The following NELL2 variants were observed in gnomAD, a reference collection of about 807,000 sequenced individuals.
NELL2 encodes the protein neural EGFL like 2, also known as protein kinase C-binding protein NELL2.
In NELL2, 41 loss-of-function variants were observed where a neutral mutation model predicts 109.6. The ratio of observed to expected loss-of-function variants is 0.37; its 90% CI spans 0.29 to 0.49. The LOEUF is 0.49. Among genes scored for constraint, NELL2 ranks in the 20% least tolerant of loss-of-function variants. The pLI is 0.98. For synonymous variants in NELL2, 355 were observed against 344.7 expected (o/e 1.03, Z -0.33); for missense variants, 900 against 1,008.3 (o/e 0.89, Z 1.45).
chr12:44,858,419 C>A (rs1944743567), intron 2 of NELL2, among the ~76,000 whole-genome samples: 1 of 152,190 alleles, frequency 6.6e-6, no homozygotes, highest in Non-Finnish European at 1.5e-5. Flanking sequence ...GGGTTACTCA[C>A]CCTTTCCCAA....
chr12:44,798,946 C>CTTTTTTTTTTTT (rs1157006162), intron 3 of NELL2, among the ~76,000 whole-genome samples: 1 of 77,434 alleles, frequency 1.3e-5, no homozygotes, highest in Non-Finnish European at 2.3e-5. Flanking sequence ...ATGATTTCCA[C>CTTTTTTTTTTTT]TTTTTTTTTT....
At chr12:44,657,100 T>C (rs7971322) in intron 13 of NELL2, among the ~76,000 whole-genome samples, 24,538 of 152,098 alleles carry the variant, frequency 0.16, 2,028 homozygotes, top group East Asian at 0.21. Flanking sequence ...CAGCAAATTC[T>C]TTTCTGTAAC....
chr12:44,582,579 G>A lies in NELL2; in HGVS notation c.1663+24590C>T, dbSNP rs532152023. Among the ~76,000 whole-genome samples the A allele has an allele frequency of 1.8e-4, 27 of 152,100 alleles. No individual in the cohort carries two copies. The South Asian group carries it at 3.9e-3, about 22-fold the overall frequency. On this transcript the variant is annotated intron_variant, in intron 15 of 19. Transcript: ENST00000429094. The stretch of plus-strand genomic sequence containing the variant: ...GATACTATGGCATATGAGATGAAAC[G>A]TCAGGAAGTGGTGGCCGAAAGGTAG...
chr12:44,669,948 T>C (rs1948080722), intron 12 of NELL2, among the ~76,000 whole-genome samples: 1 of 152,174 alleles, frequency 6.6e-6, no homozygotes, highest in South Asian at 2.1e-4. Flanking sequence ...TCAAGGCACG[T>C]TATAGTAAAA....
intron 2 of NELL2, among the ~76,000 whole-genome samples, chr12:44,864,684 A>T (rs1944938504): frequency 6.6e-6 from 1 of 152,232 alleles, no homozygotes; most frequent in Non-Finnish European, 1.5e-5. Context: ...CAATAAGGAA[A>T]CATTTAATTT....
At chr12:44,596,130 CA>C (rs1351878754) in intron 15 of NELL2, among the ~76,000 whole-genome samples, 1 of 152,180 alleles carries the variant, frequency 6.6e-6, no homozygotes, top group African/African-American at 2.4e-5. Flanking sequence ...TGCATTTTGA[CA>C]GTCAGAGGTA....
intron 3 of NELL2, among the ~76,000 whole-genome samples, chr12:44,811,750 A>C (rs561757118): frequency 6.6e-6 from 1 of 152,238 alleles, no homozygotes; most frequent in African/African-American, 2.4e-5. Context: ...TGGAGTCAGG[A>C]ACAGACATAA....
chr12:44,660,824 CA>C (rs1371414184), intron 13 of NELL2, among the ~76,000 whole-genome samples: 2 of 152,076 alleles, frequency 1.3e-5, no homozygotes, highest in African/African-American at 2.4e-5. Flanking sequence ...GATCTTTACT[CA>C]AAATTCTTGA....
rs74081508 is a variant in NELL2 at position 44,621,320 on chromosome 12, A to T, written c.1445-10350T>A. 6.0e-3 allele frequency among the ~76,000 whole-genome samples: 914 copies of T among 152,206 alleles called. 12 individuals carry two copies. The highest frequency in any genetic ancestry group is 0.021 in the African/African-American group (867 of 41,532). On this transcript the variant is annotated intron_variant, in intron 13 of 19. Coordinates refer to ENST00000429094, the MANE Select transcript of NELL2 (RefSeq NM_001145108.2). ...AACCTGTGTTTCATTTTGTTATAACATTTGAAAGCCAGAATGTGAAGTGGT... is the reference window on the plus strand; with the variant it reads ...AACCTGTGTTTCATTTTGTTATAACTTTTGAAAGCCAGAATGTGAAGTGGT...
chr12:44,910,550 G>A (rs1485140870), intron 1 of NELL2, among the ~76,000 whole-genome samples: 1 of 151,930 alleles, frequency 6.6e-6, no homozygotes, highest in African/African-American at 2.4e-5. Context: ...ACAGTTTGGA[G>A]ATTTCCCAAA....
chr12:44,765,749 T>C (rs368976936), intron 9 of NELL2, among the ~76,000 whole-genome samples: 10 of 152,222 alleles, frequency 6.6e-5, no homozygotes, highest in Admixed American at 4.6e-4. Context: ...TATAGTTAAA[T>C]ATTTTTAAAT....
intron 13 of NELL2, among the ~76,000 whole-genome samples, chr12:44,654,758 G>A (rs1566095764): frequency 6.6e-6 from 1 of 152,142 alleles, no homozygotes; most frequent in Admixed American, 6.5e-5. Context: ...CACTGCAGAG[G>A]CACCGCGGGC....
At chr12:44,730,383 T>G (rs761627602) in intron 9 of NELL2, among the ~76,000 whole-genome samples, 20 of 152,122 alleles carry the variant, frequency 1.3e-4, no homozygotes, top group Non-Finnish European at 2.5e-4. Flanking sequence ...TAGACCACGT[T>G]ATACTATAAA....
chr12:44,762,847 T>C (rs1256176040), intron 9 of NELL2, among the ~76,000 whole-genome samples: 1 of 152,220 alleles, frequency 6.6e-6, no homozygotes, highest in African/African-American at 2.4e-5. Flanking sequence ...TACTGCACCA[T>C]TGCATTGCAT....
At chr12:44,692,699 G>A (rs1948937963) in intron 12 of NELL2, among the ~76,000 whole-genome samples, 1 of 152,102 alleles carries the variant, frequency 6.6e-6, no homozygotes, top group South Asian at 2.1e-4. Flanking sequence ...GTTGATTCCA[G>A]CCCTCATAGA....
rs117192645 is a variant in NELL2, at chr12:44,667,652, C to T, written c.1319-2043G>A. On this transcript the variant is annotated intron_variant, in intron 12 of 19. Transcript: ENST00000429094. The stretch of plus-strand genomic sequence containing the variant: ...CCTCGACAGACAAGGATCATAACAG[C>T]GAGTAGATAGCCACATGTCAAATTG... Among the ~76,000 whole-genome samples, 42 of 152,264 alleles carry T rather than the reference C, an allele frequency of 2.8e-4. No individual in the cohort carries two copies. In the East Asian group the frequency reaches 7.7e-3, roughly 28 times the overall value.
intron 2 of NELL2, among the ~76,000 whole-genome samples, chr12:44,858,505 C>G (rs1206367198): frequency 6.6e-6 from 1 of 152,146 alleles, no homozygotes; most frequent in Non-Finnish European, 1.5e-5. Flanking sequence ...TTCCTGACAG[C>G]TGGCCACATG....
rs1945442935 is a variant in NELL2, at chr12:44,607,232, C to T, written c.1600G>A (p.Ala534Thr). ...FCKDGCRNGGACIAANVCACP... is the reference protein window; with the variant it reads ...FCKDGCRNGGTCIAANVCACP... ...GCACACACATTAGCGGCAATACAGG[C>T]TCCTCCATTCCTACAGCCATCTTTG... Residue 534 changes from alanine to threonine, a missense_variant, in exon 15 of 20, where the codon GCC (alanine) becomes ACC (threonine). Transcript: ENST00000429094. 1 of 1,612,674 alleles carries T rather than the reference C, an allele frequency of 6.2e-7. No individual in the cohort carries two copies. Among genetic ancestry groups the T allele is most frequent in the South Asian group, 1.1e-5 (1 of 90,964 alleles).
At chr12:44,646,148 G>A (rs1188968461) in intron 13 of NELL2, among the ~76,000 whole-genome samples, 1 of 151,546 alleles carries the variant, frequency 6.6e-6, no homozygotes, top group African/African-American at 2.4e-5. Context: ...TAAACCACTT[G>A]TTCTAGGCAC....
Sources: gnomAD v4.1 joint callset for allele counts (sites outside exome capture counted in the v4.1 genomes callset) on GRCh38, gnomAD v4.1.1 for gene constraint, MANE v1.5 for transcripts, NCBI Gene and HGNC (gene_info 2026-07-23, HGNC 2026-07-21) for gene names.